Variants in INTS15 observed in about 807,000 individuals in gnomAD.
The protein encoded by INTS15 is integrator complex subunit 15, also known as uncharacterized protein C7orf26.
At chr7:6,606,510 G>A in the INTS15 span, among the ~76,000 whole-genome samples, 317 of 152,250 alleles carry the variant, frequency 2.1e-3, 1 homozygote, top group African/African-American at 6.9e-3. Flanking sequence ...TGGCCTTGGT[G>A]TTAGGAGAGA....
At chr7:6,597,894 C>T in the INTS15 span, among the ~76,000 whole-genome samples, 54 of 152,290 alleles carry the variant, frequency 3.5e-4, 1 homozygote, top group South Asian at 0.01. Context: ...GTCTTCAAAG[C>T]ACAAAAAGGA....
the INTS15 span, among the ~76,000 whole-genome samples, chr7:6,596,189 G>A: frequency 1.3e-5 from 2 of 151,456 alleles, no homozygotes; most frequent in African/African-American, 4.9e-5. Flanking sequence ...GTAGCTAGCT[G>A]GGACTACAGG....
chr7:6,599,723 C>T, the INTS15 span: 5 of 1,071,460 alleles, frequency 4.7e-6, no homozygotes, highest in Non-Finnish European at 5.5e-6. Context: ...TCCAGACCAT[C>T]AGGTGGGCAG....
chr7:6,598,310 A>T, the INTS15 span, among the ~76,000 whole-genome samples: 1 of 152,050 alleles, frequency 6.6e-6, no homozygotes, highest in African/African-American at 2.4e-5. Context: ...TCTCTACTAA[A>T]AATACAAAAA....
the INTS15 span, chr7:6,594,624 T>C: frequency 6.2e-7 from 1 of 1,608,036 alleles, no homozygotes; most frequent in Non-Finnish European, 8.5e-7. Flanking sequence ...AGGTTATTTC[T>C]ATGGAAGAAG....
the INTS15 span, among the ~76,000 whole-genome samples, chr7:6,596,604 C>G: frequency 6.6e-6 from 1 of 151,604 alleles, no homozygotes; most frequent in Non-Finnish European, 1.5e-5. Context: ...GTCTTGAACT[C>G]CTGACCTCAG....
chr7:6,602,523 G>T, the INTS15 span: 6 of 383,068 alleles, frequency 1.6e-5, no homozygotes, highest in South Asian at 4.0e-5. Context: ...CCAGCGCTTG[G>T]CCATCAGGCG....
chr7:6,595,053 A>C, the INTS15 span, among the ~76,000 whole-genome samples: 1 of 145,252 alleles, frequency 6.9e-6, no homozygotes, highest in Non-Finnish European at 1.5e-5. Context: ...ATTTTTTGAG[A>C]CAGGGTTTCA....
the INTS15 span, among the ~76,000 whole-genome samples, chr7:6,597,737 T>C: frequency 1.3e-5 from 2 of 152,214 alleles, no homozygotes; most frequent in Non-Finnish European, 2.9e-5. Context: ...AAACTGTTTT[T>C]CTCTTAAGCC....
At chr7:6,598,769 G>GTGTGTGTGTT in the INTS15 span, among the ~76,000 whole-genome samples, 1 of 104,424 alleles carries the variant, frequency 9.6e-6, no homozygotes, top group Admixed American at 1.0e-4. Context: ...GTGTGTGTGT[G>GTGTGTGTGTT]TGTGTGTGTG....
chr7:6,608,389 C>T, the INTS15 span: 1 of 1,399,190 alleles, frequency 7.1e-7, no homozygotes, highest in Non-Finnish European at 9.3e-7. Context: ...GAGCCTGCTG[C>T]GTGCATTTTT....
the INTS15 span, among the ~76,000 whole-genome samples, chr7:6,591,335 C>G: frequency 6.7e-6 from 1 of 149,390 alleles, no homozygotes; most frequent in Admixed American, 6.7e-5. Flanking sequence ...GGTGCGATCT[C>G]GGCTCACTGC....
chr7:6,593,329 GTTTTTT>G, the INTS15 span, among the ~76,000 whole-genome samples: 2 of 130,836 alleles, frequency 1.5e-5, no homozygotes, highest in Non-Finnish European at 3.2e-5. Context: ...CTGTGCGGTG[GTTTTTT>G]TTTTTTTTTT....
the INTS15 span, among the ~76,000 whole-genome samples, chr7:6,600,906 G>A: frequency 1.3e-5 from 2 of 151,940 alleles, no homozygotes; most frequent in African/African-American, 4.8e-5. Flanking sequence ...CAAAGTGCTG[G>A]GATTACAGGC....
At chr7:6,591,631 G>T in the INTS15 span, 1 of 1,609,704 alleles carries the variant, frequency 6.2e-7, no homozygotes, top group South Asian at 1.1e-5. Context: ...CGCTTTTCCG[G>T]GATTTCTTTT....
At chr7:6,596,162 G>A in the INTS15 span, among the ~76,000 whole-genome samples, 10 of 147,554 alleles carry the variant, frequency 6.8e-5, no homozygotes, top group Non-Finnish European at 1.2e-4. Flanking sequence ...AACAATTCTC[G>A]TGCCTCAGCC....
the INTS15 span, among the ~76,000 whole-genome samples, chr7:6,595,786 G>A: frequency 6.6e-6 from 1 of 152,136 alleles, no homozygotes; most frequent in East Asian, 1.9e-4. Flanking sequence ...AGGCTCAAGT[G>A]ATACTCCCAC....
chr7:6,604,963 C>T, the INTS15 span, among the ~76,000 whole-genome samples: 1 of 152,074 alleles, frequency 6.6e-6, no homozygotes, highest in Non-Finnish European at 1.5e-5. Flanking sequence ...CCACACTCTT[C>T]CTCTCCTCTT....
the INTS15 span, chr7:6,607,507 G>C: frequency 7.7e-7 from 1 of 1,304,864 alleles, no homozygotes; most frequent in Non-Finnish European, 1.0e-6. This position sits in a 1 kb window ranked among gnomAD's most constrained non-coding sequence, Gnocchi z 6.0. Flanking sequence ...GTCCCCGAGG[G>C]GGCCGCACCG....
Sources: allele counts gnomAD v4.1 joint callset (sites outside exome capture counted in the v4.1 genomes callset), GRCh38; gene constraint gnomAD v4.1.1; non-coding constraint Gnocchi (gnomAD v3.1); transcripts MANE v1.5; gene names NCBI Gene and HGNC (gene_info 2026-07-23, HGNC 2026-07-21).